The following TENM2 variants were observed in gnomAD, a reference collection of about 807,000 sequenced individuals.
TENM2 encodes the protein teneurin transmembrane protein 2.
A neutral mutation model predicts 245.2 loss-of-function variants in TENM2; 52 were observed. The observed-to-expected ratio is 0.21, with a 90% CI of 0.17 to 0.27. TENM2 has a LOEUF of 0.27. TENM2 is among the 10% of genes least tolerant of loss of function. TENM2 has a pLI of 1.00. For synonymous variants in TENM2, 1,363 were observed against 1,438.9 expected (o/e 0.95, Z 1.19); for missense variants, 3,046 against 3,666.8 (o/e 0.83, Z 4.37).
intron 5 of TENM2, among the ~76,000 whole-genome samples, chr5:168,026,446 T>C (rs1786638770): frequency 6.6e-6 from 1 of 152,202 alleles, no homozygotes; most frequent in Non-Finnish European, 1.5e-5. Flanking sequence ...TTTTAGGGCT[T>C]ATTATGTGAA....
At chr5:167,782,647 C>CA (rs987025242) in intron 2 of TENM2, among the ~76,000 whole-genome samples, 10 of 151,920 alleles carry the variant, frequency 6.6e-5, no homozygotes, top group Non-Finnish European at 1.3e-4. Context: ...GATGTAAAAA[C>CA]AAAAAAATTA....
chr5:167,883,805 C>A (rs149601737), intron 3 of TENM2, among the ~76,000 whole-genome samples: 1 of 152,286 alleles, frequency 6.6e-6, no homozygotes, highest in South Asian at 2.1e-4. Flanking sequence ...TAGCTTCCTG[C>A]GTAATATTCA....
Position 168,174,339 on chromosome 5 carries a change from A to G in TENM2, c.2569+11582A>G, listed in dbSNP as rs536232280. Among the ~76,000 whole-genome samples, 13 of 152,288 alleles carry G rather than the reference A, an allele frequency of 8.5e-5. 1 individual carries two copies. The East Asian group carries it at 2.5e-3, about 29-fold the overall frequency. ...CCCAGCTCCTCCACTTCCTCAAGAT[A>G]TGAGCTTAAATTTAAGCTTTGTCCT... On this transcript the variant is annotated intron_variant, in intron 13 of 28. Transcript: ENST00000518659.
intron 2 of TENM2, among the ~76,000 whole-genome samples, chr5:167,690,980 G>C (rs529097557): frequency 6.6e-6 from 1 of 151,116 alleles, no homozygotes; most frequent in South Asian, 2.1e-4. Flanking sequence ...TAGAGAGAGA[G>C]AGGAATATAA....
At chr5:167,214,891 CT>C in the TENM2 span, among the ~76,000 whole-genome samples, 1 of 152,192 alleles carries the variant, frequency 6.6e-6, no homozygotes, top group Admixed American at 6.5e-5. Context: ...GTATTTTCAT[CT>C]TGTCCCTTTC....
At chr5:167,508,911 C>T (rs894712576) in intron 2 of TENM2, among the ~76,000 whole-genome samples, 68 of 152,138 alleles carry the variant, frequency 4.5e-4, no homozygotes, top group African/African-American at 1.5e-3. Flanking sequence ...CCTCTGCTCC[C>T]GGGTTCAAGT....
chr5:168,253,705 G>A (rs568775209), intron 27 of TENM2, among the ~76,000 whole-genome samples: 27 of 152,200 alleles, frequency 1.8e-4, no homozygotes, highest in East Asian at 7.7e-4. Context: ...GATTACAGGC[G>A]TGAGCCACCG....
intron 13 of TENM2, among the ~76,000 whole-genome samples, chr5:168,185,780 G>A (rs973969736): frequency 6.6e-6 from 1 of 151,338 alleles, no homozygotes; most frequent in Non-Finnish European, 1.5e-5. Flanking sequence ...TACACCAGTG[G>A]ATGACTCTAA....
chr5:167,299,731 G>A (rs1428494019), intron 1 of TENM2, among the ~76,000 whole-genome samples: 1 of 152,074 alleles, frequency 6.6e-6, no homozygotes, highest in African/African-American at 2.4e-5. Context: ...ATGGGGAAAT[G>A]GGGTGAACGT....
chr5:168,154,797 C>G (rs560932401), intron 12 of TENM2, among the ~76,000 whole-genome samples: 1 of 152,238 alleles, frequency 6.6e-6, no homozygotes, highest in African/African-American at 2.4e-5. Flanking sequence ...AGCCAATAGA[C>G]CATGGAAAGG....
At chr5:167,842,275 C>CA (rs1362387447) in intron 2 of TENM2, among the ~76,000 whole-genome samples, 15 of 151,654 alleles carry the variant, frequency 9.9e-5, no homozygotes, top group South Asian at 4.2e-4. Context: ...AAAACAAAAA[C>CA]AAAAAAACAA....
the TENM2 span, among the ~76,000 whole-genome samples, chr5:167,254,296 G>A: frequency 3.0e-4 from 46 of 152,230 alleles, 1 homozygote; most frequent in Admixed American, 1.6e-3. Flanking sequence ...CTCATTCAAA[G>A]TCTTCAAACA....
At chr5:168,091,447 G>T (rs1792932188) in intron 8 of TENM2, among the ~76,000 whole-genome samples, 1 of 152,090 alleles carries the variant, frequency 6.6e-6, no homozygotes, top group Non-Finnish European at 1.5e-5. Context: ...AGCTCTAAAA[G>T]GGTCATTCAC....
chr5:167,898,340 C>G (rs1325179642), intron 3 of TENM2, among the ~76,000 whole-genome samples: 6 of 152,122 alleles, frequency 3.9e-5, no homozygotes, highest in Non-Finnish European at 7.3e-5. Context: ...GTTTAACCAG[C>G]TTTCCAATGA....
At chr5:167,063,652 C>G in the TENM2 span, among the ~76,000 whole-genome samples, 17 of 152,226 alleles carry the variant, frequency 1.1e-4, no homozygotes, top group South Asian at 3.5e-3. Flanking sequence ...TAAGATTATT[C>G]TTACTGTGCT....
intron 12 of TENM2, among the ~76,000 whole-genome samples, chr5:168,154,690 A>G (rs1478295269): frequency 1.3e-5 from 2 of 152,174 alleles, no homozygotes; most frequent in East Asian, 3.9e-4. Context: ...TGCAGCCTAG[A>G]CAGCTGGAGG....
At chr5:167,293,564 A>G (rs1408045270) in intron 1 of TENM2, among the ~76,000 whole-genome samples, 1 of 151,898 alleles carries the variant, frequency 6.6e-6, no homozygotes, top group Non-Finnish European at 1.5e-5. Context: ...GGAGGCAGAT[A>G]TACTGTTCTG....
At chr5:167,312,101 A>G (rs1036091785) in intron 1 of TENM2, among the ~76,000 whole-genome samples, 1 of 152,214 alleles carries the variant, frequency 6.6e-6, no homozygotes, top group Non-Finnish European at 1.5e-5. Context: ...GACCATATGC[A>G]TATATTGTTG....
the TENM2 span, among the ~76,000 whole-genome samples, chr5:167,168,005 G>T: frequency 6.6e-6 from 1 of 152,154 alleles, no homozygotes; most frequent in Non-Finnish European, 1.5e-5. Flanking sequence ...CTAAGCATGT[G>T]GCTGCTTTGG....
Sources: allele counts gnomAD v4.1 joint callset (sites outside exome capture counted in the v4.1 genomes callset), GRCh38; gene constraint gnomAD v4.1.1; transcripts MANE v1.5; gene names NCBI Gene and HGNC (gene_info 2026-07-23, HGNC 2026-07-21).